Variants in PAX6 observed in about 807,000 individuals in gnomAD.
The protein encoded by PAX6 is paired box protein Pax-6.
PAX6 carries 7 observed loss-of-function variants against 60.7 expected under a neutral mutation model. The ratio of observed to expected loss-of-function variants is 0.12; its 90% CI spans 0.07 to 0.22. The LOEUF (loss-of-function observed/expected upper bound fraction) is 0.22. Among genes scored for constraint, PAX6 ranks in the 10% least tolerant of loss-of-function variants. PAX6 has a pLI of 1.00. For missense variants in PAX6, 355 were observed against 555.2 expected (o/e 0.64, Z 3.62); for synonymous variants, 208 against 201.2 (o/e 1.03, Z -0.29).
chr11:31,793,077 C>T (rs1950392416), intron 12 of PAX6: 1 of 596,568 alleles, frequency 1.7e-6, no homozygotes, highest in African/African-American at 1.9e-5. Context: ...AAATTTTAAA[C>T]TACTAATCTG....
At chr11:31,800,893 T>G in intron 7 of PAX6, 37 bp from the exon 8 acceptor site, 1 of 1,605,926 alleles carries the variant, frequency 6.2e-7, no homozygotes, top group Non-Finnish European at 8.5e-7. Context: ...AATGGTAGTG[T>G]CTCCTGAAGA....
At chr11:31,804,913 A>G (rs1955306526) in intron 4 of PAX6, 2 of 152,416 alleles carry the variant, frequency 1.3e-5, no homozygotes, top group South Asian at 4.1e-4. Context: ...CCAGAGCGCC[A>G]CTCCCAGCAT....
rs1459166890 is a variant in PAX6, at chr11:31,793,426, A to G, written c.1074+12T>C. 1.2e-6 allele frequency: 2 copies of G among 1,610,964 alleles called. No homozygotes were observed. The highest frequency in any genetic ancestry group is 1.7e-6 in the Non-Finnish European group (2 of 1,177,074). ...GGCCTGGGTTATGCAGGCCACCACCAGCCGCACTTACTTGCATAGGCAGGT... is the reference window on the plus strand; with the variant it reads ...GGCCTGGGTTATGCAGGCCACCACCGGCCGCACTTACTTGCATAGGCAGGT... On this transcript the variant is annotated intron_variant, in intron 12 of 13. Transcript: ENST00000640368.
At chr11:31,802,232 T>G (rs567562934) in intron 5 of PAX6, 11 of 386,752 alleles carry the variant, frequency 2.8e-5, no homozygotes, top group Non-Finnish European at 5.1e-5. Flanking sequence ...TGAGTAAATG[T>G]GAGTTAGGGA....
At chr11:31,790,563 G>A in intron 13 of PAX6, 147 bp downstream of exon 13, 11 of 1,527,094 alleles carry the variant, frequency 7.2e-6, no homozygotes, top group Non-Finnish European at 9.8e-6. Context: ...TAGCTTAACT[G>A]AATTTCCCTT....
rs1193053863 is a variant in PAX6, at chr11:31,789,591, AC to A, written c.*342del. On this transcript the variant is annotated 3_prime_UTR_variant, in exon 14 of 14. Transcript: ENST00000640368. ...GGTTTTCTTTTTAAAAAAAAAAAAA[AC>A]AACTTCATGACCAACACAGATCAAA... 2.3e-5 allele frequency: 14 copies of A among 605,034 alleles called. No individual in the cohort carries two copies. Among genetic ancestry groups the A allele is most frequent in the Middle Eastern group, 3.2e-4 (1 of 3,120 alleles). 37.5% of individuals were successfully genotyped at this position (605,034 alleles called of 1,614,324 possible).
chr11:31,798,402 TA>T (rs1190528562), intron 8 of PAX6, among the ~76,000 whole-genome samples: 32 of 49,570 alleles, frequency 6.5e-4, no homozygotes, highest in Non-Finnish European at 1.2e-3. Flanking sequence ...ACCCCCGCCT[TA>T]TGCTTTTGGA....
At chr11:31,814,486 ACTCT>A (rs771736944), upstream of PAX6, 6 of 151,690 alleles carry the variant, frequency 4.0e-5, no homozygotes, top group Non-Finnish European at 8.8e-5. Flanking sequence ...ACACCTCCAA[ACTCT>A]CTCTTTCCCC....
In PAX6 at chr11:31,796,301, T is replaced by C. The variant is rs559661390; in HGVS notation, c.566-1513A>G. The stretch of plus-strand genomic sequence containing the variant: ...CGTGGGCAGAATTTTGAGGCTACAA[T>C]GAGCGCGGACAACAAAAGGATTCTC... On this transcript the variant is annotated intron_variant, in intron 8 of 13. Coordinates refer to ENST00000640368, the MANE Select transcript of PAX6 (RefSeq NM_001368894.2). Among the ~76,000 whole-genome samples the C allele has an allele frequency of 3.9e-5, 6 of 152,220 alleles. No homozygotes were observed. In the South Asian group the frequency reaches 1.2e-3, roughly 32 times the overall value.
At chr11:31,793,919 C>T (rs1375918308) in intron 10 of PAX6, 113 bp downstream of exon 10, 3 of 1,343,356 alleles carry the variant, frequency 2.2e-6, no homozygotes, top group Non-Finnish European at 3.2e-6. Context: ...CAGACTGAAC[C>T]TTTTTATTAT....
upstream of PAX6, among the ~76,000 whole-genome samples, chr11:31,813,930 G>T (rs1213892419): frequency 1.3e-5 from 2 of 152,168 alleles, no homozygotes; most frequent in Non-Finnish European, 1.5e-5. Context: ...AGCGGCCTAG[G>T]GGTGTGGGGG....
At chr11:31,797,037 G>T (rs772976127) in intron 8 of PAX6, among the ~76,000 whole-genome samples, 1 of 152,122 alleles carries the variant, frequency 6.6e-6, no homozygotes, top group East Asian at 1.9e-4. Flanking sequence ...TTATTTTCGG[G>T]TTTGGTGAAG....
At position 31,789,577 on chromosome 11, in the gene PAX6, TAAA is replaced by T; in HGVS notation, c.*354_*356del. 5 of 493,588 alleles carry T rather than the reference TAAA, an allele frequency of 1.0e-5. No individual in the cohort carries two copies. Among genetic ancestry groups the T allele is most frequent in the Non-Finnish European group, 1.8e-5 (5 of 280,382 alleles). The allele number at this position is 493,588 out of a possible 1,614,324, so 30.6% of individuals were successfully genotyped here. On this transcript the variant is annotated 3_prime_UTR_variant, in exon 14 of 14. Transcript: ENST00000640368. ...AGCTTGTTGATCATGGTTTTCTTTT[TAAA>T]AAAAAAAAAAACAACTTCATGACCA...
chr11:31,806,366 C>T (rs369969598), intron 4 of PAX6, 36 bp downstream of exon 4: 3 of 1,599,710 alleles, frequency 1.9e-6, no homozygotes, highest in African/African-American at 2.7e-5. Context: ...CCGCGCACCC[C>T]GAGCCCGAAG....
intron 8 of PAX6, among the ~76,000 whole-genome samples, chr11:31,798,062 T>C (rs1373782920): frequency 2.6e-5 from 4 of 152,094 alleles, no homozygotes; most frequent in Admixed American, 1.3e-4. Flanking sequence ...AGTGTCTTAA[T>C]CAGTGAGGCG....
At chr11:31,813,395 G>GA (rs927988458), upstream of PAX6, among the ~76,000 whole-genome samples, 2 of 102,454 alleles carry the variant, frequency 2.0e-5, no homozygotes, top group Non-Finnish European at 3.9e-5. Flanking sequence ...GGGGCGGGGG[G>GA]GGGGGAAGTG....
At chr11:31,813,853 G>C (rs1398282899), upstream of PAX6, among the ~76,000 whole-genome samples, 1 of 152,176 alleles carries the variant, frequency 6.6e-6, no homozygotes, top group Admixed American at 6.5e-5. Context: ...TCTCAAGGAA[G>C]GTGGGGGTGC....
intron 4 of PAX6, chr11:31,803,970 T>G (rs694617): frequency 0.87 from 132,479 of 152,226 alleles, 57,874 homozygotes; most frequent in African/African-American, 0.94. Flanking sequence ...CCGACTTAGA[T>G]AGCAGCCCTC....
chr11:31,806,090 C>G, intron 4 of PAX6: 1 of 430,230 alleles, frequency 2.3e-6, no homozygotes, highest in Admixed American at 4.4e-5. Flanking sequence ...GGTCAGAGCC[C>G]GGGCAGGGGC....
Sources: allele counts gnomAD v4.1 joint callset (sites outside exome capture counted in the v4.1 genomes callset), GRCh38; gene constraint gnomAD v4.1.1; transcripts MANE v1.5; gene names NCBI Gene and HGNC (gene_info 2026-07-23, HGNC 2026-07-21).